Variants in RTTN observed in about 807,000 individuals in gnomAD.
RTTN encodes the protein rotatin.
Under a neutral mutation model 269.2 loss-of-function variants are expected in RTTN, and 182 were observed. That is an observed-to-expected ratio of 0.68 (90% CI 0.60 to 0.76). The LOEUF (loss-of-function observed/expected upper bound fraction) is 0.76, where lower values mean the gene tolerates loss of function less well. Ranked by LOEUF, RTTN falls within the 30% of genes least tolerant of loss-of-function variation. The pLI, the probability that RTTN is intolerant of heterozygous loss-of-function variation, is 0.00. For missense variants in RTTN, 2,545 were observed against 2,608.6 expected, an observed-to-expected ratio of 0.98 and a Z score of 0.53; for synonymous variants, 1,006 against 963.5, an observed-to-expected ratio of 1.04 and a Z score of -0.82.
intron 48 of RTTN, 108 bp downstream of exon 48, chr18:70,005,090 C>T (rs941028293): frequency 1.6e-6 from 1 of 633,126 alleles, no homozygotes; most frequent in Non-Finnish European, 2.7e-6. Flanking sequence ...AATATTGGCA[C>T]ATTTTACAAT....
chr18:70,136,905 T>C (rs1340642239), intron 21 of RTTN, among the ~76,000 whole-genome samples: 3 of 152,100 alleles, frequency 2.0e-5, no homozygotes, highest in Non-Finnish European at 2.9e-5. Context: ...GCAGTAGTTT[T>C]TAGGGTTTTT....
chr18:70,004,202 G>A lies in RTTN; in HGVS notation c.6630C>T (p.Ala2210=). The change falls in exon 49 of 49, where the codon GCC becomes GCT. Residue 2210 remains alanine, a synonymous_variant. Transcript: ENST00000640769. ...GGTTTTCAAGACATTTCAAATAATAGGCATTTAGAGGGTTTGCTTCTGAGT... is the reference window on the plus strand; with the variant it reads ...GGTTTTCAAGACATTTCAAATAATAAGCATTTAGAGGGTTTGCTTCTGAGT... ...FPNSEANPLN[A]YYLKCLENLV... 1 of 1,613,686 alleles carries A rather than the reference G, an allele frequency of 6.2e-7. No individual in the cohort carries two copies. Among genetic ancestry groups the A allele is most frequent in the South Asian group, 1.1e-5 (1 of 91,064 alleles).
rs201987514 is a variant in RTTN, at chr18:70,148,926, G to A, written c.2284C>T (p.Arg762Ter). The change falls in exon 17 of 49, where the codon CGA becomes TGA. Residue 762 changes from arginine to a stop codon, truncating the protein, a stop_gained. Transcript: ENST00000640769. LOFTEE classifies it high-confidence loss of function. ...PCTTRLKSML[R>*]LLLVKKPSVR... Reference sequence around the variant, plus strand: ...GATGGCTTTTTCACTAGCAAAAGTCGCAGCATGGACTTTAATCGGGTAGTA... The same window carrying A: ...GATGGCTTTTTCACTAGCAAAAGTCACAGCATGGACTTTAATCGGGTAGTA... The A allele has an allele frequency of 6.8e-6, 11 of 1,613,400 alleles. No individual in the cohort carries two copies. Among genetic ancestry groups the A allele is most frequent in the South Asian group, 4.4e-5 (4 of 91,046 alleles).
chr18:70,074,521 G>T (rs551935226), intron 33 of RTTN, among the ~76,000 whole-genome samples: 1 of 152,086 alleles, frequency 6.6e-6, no homozygotes, highest in East Asian at 1.9e-4. Context: ...ACTCTTAAAT[G>T]GCTCAAAAAG....
At chr18:70,023,755 A>C (rs1488454099) in intron 44 of RTTN, among the ~76,000 whole-genome samples, 5 of 152,086 alleles carry the variant, frequency 3.3e-5, no homozygotes, top group African/African-American at 1.2e-4. Flanking sequence ...CCAATCATTC[A>C]TTCTCCACAT....
intron 11 of RTTN, among the ~76,000 whole-genome samples, chr18:70,176,025 C>A: frequency 6.6e-6 from 1 of 151,924 alleles, no homozygotes; most frequent in Non-Finnish European, 1.5e-5. Flanking sequence ...TTTCAATGCC[C>A]TCCAATCAAT....
chr18:70,130,820 A>G (rs1167672478), intron 23 of RTTN: 1 of 152,040 alleles, frequency 6.6e-6, no homozygotes. Context: ...GAATCAATAA[A>G]TGTTAGAGGT....
chr18:70,187,113 A>T (rs184165336), intron 10 of RTTN, among the ~76,000 whole-genome samples: 5 of 152,248 alleles, frequency 3.3e-5, no homozygotes, highest in African/African-American at 1.2e-4. Context: ...TTCTTTGTAC[A>T]TAATTTATAT....
At chr18:70,037,396 A>G (rs1016703376) in intron 40 of RTTN, among the ~76,000 whole-genome samples, 2 of 152,208 alleles carry the variant, frequency 1.3e-5, no homozygotes, top group African/African-American at 4.8e-5. Flanking sequence ...GAGAGTAAAC[A>G]AGACTTTGTC....
In RTTN at chr18:70,065,825, A is replaced by T; in HGVS notation, c.4747+4T>A. 1 of 1,573,512 alleles carries T rather than the reference A, an allele frequency of 6.4e-7. No individual in the cohort carries two copies. Among genetic ancestry groups the T allele is most frequent in the Non-Finnish European group, 8.6e-7 (1 of 1,158,614 alleles). On this transcript the variant is annotated splice_donor_region_variant and intron_variant, in intron 35 of 48. Coordinates refer to ENST00000640769, the MANE Select transcript of RTTN (RefSeq NM_173630.4). ...AAGGTAGAATGTCTTCACTAAAAGG[A>T]TACCTTGAGCCACAAACTGGTCATG...
intron 10 of RTTN, among the ~76,000 whole-genome samples, chr18:70,182,483 A>C (rs1211814759): frequency 6.6e-6 from 1 of 152,138 alleles, no homozygotes; most frequent in African/African-American, 2.4e-5. Context: ...CTGACAAGGC[A>C]GCAAAAGGGA....
At chr18:70,163,819 T>A (rs2060911971) in intron 14 of RTTN, among the ~76,000 whole-genome samples, 1 of 152,166 alleles carries the variant, frequency 6.6e-6, no homozygotes, top group Non-Finnish European at 1.5e-5. Context: ...TTGTGGAGCC[T>A]TTTAGATTTT....
At position 70,028,735 on chromosome 18, in the gene RTTN, C is replaced by T; in HGVS notation, c.5812G>A (p.Glu1938Lys). 6.2e-7 allele frequency: 1 copy of T among 1,606,220 alleles called. No individual in the cohort carries two copies. The highest frequency in any genetic ancestry group is 8.5e-7 in the Non-Finnish European group (1 of 1,174,776). ...QLLRNCLYQN[E>K]ECKEAALEAH... ...GTAGTTCTACTTACTTTACATTCCT[C>T]ATTTTGATAAAGACAGTTTCTTAGG... is the stretch of plus-strand genomic sequence containing the variant. Residue 1938 changes from glutamate to lysine, a missense_variant, in exon 43 of 49, where the codon GAG (glutamate) becomes AAG (lysine). Transcript: ENST00000640769.
At chr18:70,183,854 A>G (rs573422768) in intron 10 of RTTN, among the ~76,000 whole-genome samples, 6 of 152,304 alleles carry the variant, frequency 3.9e-5, no homozygotes, top group African/African-American at 1.4e-4. Context: ...GTCAGCCTCA[A>G]ACTTCTGGGT....
intron 44 of RTTN, among the ~76,000 whole-genome samples, chr18:70,022,807 C>T (rs2145538452): frequency 6.6e-6 from 1 of 152,226 alleles, no homozygotes; most frequent in East Asian, 1.9e-4. Flanking sequence ...TCATTGGCTG[C>T]TCCTTCTCTT....
chr18:70,075,938 T>C (rs954450412), intron 32 of RTTN, among the ~76,000 whole-genome samples: 1 of 151,120 alleles, frequency 6.6e-6, no homozygotes, highest in African/African-American at 2.4e-5. Flanking sequence ...CCATATATTA[T>C]GTTCAGAATT....
intron 14 of RTTN, among the ~76,000 whole-genome samples, chr18:70,162,886 G>GGA (rs2060872573): frequency 2.0e-5 from 1 of 50,196 alleles, no homozygotes; most frequent in Non-Finnish European, 3.6e-5. Flanking sequence ...AATAAAAGTT[G>GGA]AAAAAAAAAA....
intron 10 of RTTN, 123 bp from the exon 11 acceptor site, chr18:70,176,968 C>T: frequency 1.5e-6 from 1 of 678,274 alleles, no homozygotes; most frequent in Non-Finnish European, 2.3e-6. Flanking sequence ...CAAATCAAAA[C>T]AGAATTTATT....
Position 70,100,713 on chromosome 18 carries a change from C to A in RTTN, c.3904-7909G>T, listed in dbSNP as rs182250. On this transcript the variant is annotated intron_variant, in intron 28 of 48. Transcript: ENST00000640769. ...ATTCAGTATGATATTGGCTGTGGGT[C>A]TGTCATAAATAGCTCTTATTATTGC... is the stretch of plus-strand genomic sequence containing the variant. Among the ~76,000 whole-genome samples the A allele has an allele frequency of 2.0e-5, 3 of 152,098 alleles. No individual in the cohort carries two copies. The East Asian group carries it at 5.8e-4, about 29-fold the overall frequency.
Sources: gnomAD v4.1 joint callset for allele counts (sites outside exome capture counted in the v4.1 genomes callset) on GRCh38, gnomAD v4.1.1 for gene constraint, MANE v1.5 for transcripts, NCBI Gene and HGNC (gene_info 2026-07-23, HGNC 2026-07-21) for gene names.